VWC2L: variants seen among roughly 807,000 people sequenced by gnomAD.
The protein encoded by VWC2L is von Willebrand factor C domain-containing protein 2-like.
In VWC2L, 10 loss-of-function variants were observed where a neutral mutation model predicts 21.6. That is an observed-to-expected ratio of 0.46 (90% confidence interval 0.29 to 0.78). VWC2L has a LOEUF of 0.78. Ranked by LOEUF, VWC2L falls within the 30% of genes least tolerant of loss-of-function variation. VWC2L has a pLI of 0.10. For synonymous variants in VWC2L, 96 were observed against 94.3 expected (o/e 1.02, Z -0.10); for missense variants, 209 against 277.1 (o/e 0.75, Z 1.74).
chr2:214,433,673 C>T (rs144591739), intron 2 of VWC2L, among the ~76,000 whole-genome samples: 1 of 152,136 alleles, frequency 6.6e-6, no homozygotes, highest in African/African-American at 2.4e-5. Flanking sequence ...AAAGTTTGAA[C>T]TTAATGTCAA....
At chr2:214,477,122 G>A (rs1378109893) in intron 3 of VWC2L, among the ~76,000 whole-genome samples, 8 of 152,224 alleles carry the variant, frequency 5.3e-5, no homozygotes, top group Non-Finnish European at 1.2e-4. Context: ...TAGCTCTTCA[G>A]GAAAACTGAA....
chr2:214,484,183 T>C (rs1420296503), intron 3 of VWC2L, among the ~76,000 whole-genome samples: 6 of 152,152 alleles, frequency 3.9e-5, no homozygotes, highest in African/African-American at 1.2e-4. Context: ...TCTAATCCAA[T>C]ATGACCTCAT....
chr2:214,547,331 G>A (rs1021693316), intron 3 of VWC2L, among the ~76,000 whole-genome samples: 5 of 152,174 alleles, frequency 3.3e-5, no homozygotes, highest in African/African-American at 9.7e-5. Flanking sequence ...GTATGATTAA[G>A]GGAGAACAGC....
chr2:214,446,192 G>A (rs1170312505), intron 3 of VWC2L, among the ~76,000 whole-genome samples: 2 of 152,080 alleles, frequency 1.3e-5, no homozygotes, highest in Non-Finnish European at 2.9e-5. Context: ...AACATTTTCT[G>A]GCAGCTGCAC....
intron 3 of VWC2L, among the ~76,000 whole-genome samples, chr2:214,521,082 C>T (rs12469738): frequency 0.074 from 11,196 of 151,070 alleles, 796 homozygotes; most frequent in East Asian, 0.3. Flanking sequence ...AAAATTAGCC[C>T]GGTGTGGTGG....
intron 3 of VWC2L, among the ~76,000 whole-genome samples, chr2:214,562,156 T>C (rs1689985678): frequency 6.6e-6 from 1 of 151,920 alleles, no homozygotes; most frequent in Non-Finnish European, 1.5e-5. Context: ...CTCCCCCAAC[T>C]ACACCCCCCA....
chr2:214,523,693 A>C (rs901385145), intron 3 of VWC2L, among the ~76,000 whole-genome samples: 9 of 151,946 alleles, frequency 5.9e-5, no homozygotes, highest in Admixed American at 4.6e-4. Context: ...ACAAAACTTA[A>C]CTGGTTGTGG....
chr2:214,429,818 A>C (rs555086926), intron 2 of VWC2L, among the ~76,000 whole-genome samples: 1 of 151,838 alleles, frequency 6.6e-6, no homozygotes, highest in Admixed American at 6.6e-5. Context: ...ATTTTATTTT[A>C]TTTTTTATTA....
intron 3 of VWC2L, among the ~76,000 whole-genome samples, chr2:214,481,609 T>C (rs1361269539): frequency 6.6e-6 from 1 of 152,222 alleles, no homozygotes; most frequent in Non-Finnish European, 1.5e-5. Flanking sequence ...TATACAGCAA[T>C]ACACAACTGA....
At chr2:214,557,590 T>C (rs1689893410) in intron 3 of VWC2L, among the ~76,000 whole-genome samples, 1 of 152,200 alleles carries the variant, frequency 6.6e-6, no homozygotes, top group African/African-American at 2.4e-5. Flanking sequence ...AACAAATATA[T>C]TAGGCGTCCC....
At position 214,442,229 on chromosome 2, in the gene VWC2L, T is replaced by A. The variant is rs553226319; in HGVS notation, c.520+5471T>A. On this transcript the variant is annotated intron_variant, in intron 3 of 3. Transcript: ENST00000312504. ...CCGGACAATAAGATATCATTTTAAA[T>A]AGATATTGAGTTTGTATGTGTATAC... 2.0e-5 allele frequency among the ~76,000 whole-genome samples: 3 copies of A among 152,236 alleles called. No individual in the cohort carries two copies. The East Asian group carries it at 5.8e-4, about 29-fold the overall frequency.
chr2:214,550,561 G>A (rs1382122492), intron 3 of VWC2L, among the ~76,000 whole-genome samples: 1 of 152,138 alleles, frequency 6.6e-6, no homozygotes, highest in African/African-American at 2.4e-5. Context: ...CTCAGGGAGT[G>A]ACATTACCCA....
At chr2:214,570,823 G>C (rs1020881091) in intron 3 of VWC2L, among the ~76,000 whole-genome samples, 2 of 152,016 alleles carry the variant, frequency 1.3e-5, no homozygotes, top group Non-Finnish European at 2.9e-5. Flanking sequence ...GACCACTTAG[G>C]CCCCCATTTG....
At chr2:214,533,546 A>G (rs1355056238) in intron 3 of VWC2L, among the ~76,000 whole-genome samples, 1 of 111,980 alleles carries the variant, frequency 8.9e-6, no homozygotes, top group Admixed American at 1.1e-4. Flanking sequence ...TAGAGGGGAA[A>G]AAGAAAAAAA....
intron 3 of VWC2L, among the ~76,000 whole-genome samples, chr2:214,451,309 G>A (rs761750929): frequency 3.5e-4 from 8 of 23,108 alleles, no homozygotes; most frequent in Admixed American, 3.3e-4. Context: ...GGGTCGGTGT[G>A]GGGGGGGGGG....
In VWC2L at chr2:214,577,375, A is replaced by C. The variant is rs1395472586; in HGVS notation, c.*1555A>C. ...GGGGGCTGTCCTGTGTGCTTTTAGGATGTTTAGCACCATCACTGGCCTCTA... is the reference window on the plus strand; with the variant it reads ...GGGGGCTGTCCTGTGTGCTTTTAGGCTGTTTAGCACCATCACTGGCCTCTA... On this transcript the variant is annotated 3_prime_UTR_variant, in exon 4 of 4. Transcript: ENST00000312504. 6.6e-6 allele frequency: 1 copy of C among 152,146 alleles called. No individual in the cohort carries two copies. Among genetic ancestry groups the C allele is most frequent in the East Asian group, 1.9e-4 (1 of 5,180 alleles). 9.4% of individuals were successfully genotyped at this position (152,146 alleles called of 1,614,324 possible).
At chr2:214,453,909 T>C (rs1267726109) in intron 3 of VWC2L, among the ~76,000 whole-genome samples, 7 of 151,982 alleles carry the variant, frequency 4.6e-5, no homozygotes, top group African/African-American at 1.4e-4. Context: ...TTAGTAGAGA[T>C]GGGGTTTCAC....
rs1188654287 is a variant in VWC2L, at chr2:214,578,214, A to G, written c.*2394A>G. 4 of 152,216 alleles carry G rather than the reference A, an allele frequency of 2.6e-5. No homozygotes were observed. The highest frequency in any genetic ancestry group is 4.4e-5 in the Non-Finnish European group (3 of 68,038). The allele number at this position is 152,216 out of a possible 1,614,324, so 9.4% of individuals were successfully genotyped here. A position where few individuals can be genotyped will look rare whatever the true frequency, so the allele number is the denominator to read the frequency against. On this transcript the variant is annotated 3_prime_UTR_variant, in exon 4 of 4. Transcript: ENST00000312504. Reference sequence around the variant, plus strand: ...AGCCATGCAGCATAGTACCTTATCTATTATTAAGGAGTTACTATGTCCTTT... The same window carrying G: ...AGCCATGCAGCATAGTACCTTATCTGTTATTAAGGAGTTACTATGTCCTTT...
At chr2:214,563,990 G>C (rs922250927) in intron 3 of VWC2L, among the ~76,000 whole-genome samples, 1 of 152,102 alleles carries the variant, frequency 6.6e-6, no homozygotes, top group African/African-American at 2.4e-5. Context: ...TAAAATCAAC[G>C]TGTAGAAGTC....
Sources: allele counts gnomAD v4.1 joint callset (sites outside exome capture counted in the v4.1 genomes callset), GRCh38; gene constraint gnomAD v4.1.1; transcripts MANE v1.5; gene names NCBI Gene and HGNC (gene_info 2026-07-23, HGNC 2026-07-21).